The following LPAR1 variants were observed in gnomAD, a reference collection of about 807,000 sequenced individuals.
LPAR1 encodes lysophosphatidic acid receptor 1, also known as LPA receptor 1.
A neutral mutation model predicts 23.8 loss-of-function variants in LPAR1; 5 were observed. That is an observed-to-expected ratio of 0.21 (90% CI 0.11 to 0.44). The LOEUF is 0.44. Among genes scored for constraint, LPAR1 ranks in the 20% least tolerant of loss-of-function variants. The probability of loss-of-function intolerance (pLI) is 0.99; values close to 1 mark genes in which losing one functional copy is unlikely to be tolerated. For missense variants in LPAR1, 311 were observed against 482.8 expected (o/e 0.64, Z 3.33); for synonymous variants, 160 against 164.7 (o/e 0.97, Z 0.22).
chr9:110,882,647 A>T (rs891490875), intron 5 of LPAR1, among the ~76,000 whole-genome samples: 1 of 152,188 alleles, frequency 6.6e-6, no homozygotes, highest in African/African-American at 2.4e-5. Flanking sequence ...GAGTGCACAG[A>T]TACATAATAA....
At chr9:110,933,313 G>A (rs151002038) in intron 5 of LPAR1, among the ~76,000 whole-genome samples, 142 of 152,258 alleles carry the variant, frequency 9.3e-4, no homozygotes, top group African/African-American at 3.3e-3. Context: ...ATGGATGTGG[G>A]TGTGTCAAAA....
chr9:110,997,645 G>A (rs2097043223), intron 2 of LPAR1, among the ~76,000 whole-genome samples: 1 of 152,132 alleles, frequency 6.6e-6, no homozygotes. Context: ...CTAGACATCT[G>A]TATTTTTTAA....
intron 5 of LPAR1, among the ~76,000 whole-genome samples, chr9:110,890,678 C>G (rs1461374041): frequency 2.0e-5 from 3 of 152,210 alleles, no homozygotes; most frequent in Non-Finnish European, 2.9e-5. Context: ...TACCACCTTT[C>G]TTTGAGAATA....
At chr9:111,001,433 C>A (rs941624347) in intron 2 of LPAR1, among the ~76,000 whole-genome samples, 6 of 152,034 alleles carry the variant, frequency 3.9e-5, no homozygotes, top group African/African-American at 1.4e-4. Flanking sequence ...GCTAGACATT[C>A]AGAGGTACAC....
chr9:110,903,994 G>C (rs1416735075), intron 5 of LPAR1, among the ~76,000 whole-genome samples: 1 of 150,334 alleles, frequency 6.7e-6, no homozygotes, highest in Non-Finnish European at 1.5e-5. Context: ...AAACCATATA[G>C]GCCAGAAGGA....
At chr9:110,881,167 C>T (rs1358144762) in intron 5 of LPAR1, among the ~76,000 whole-genome samples, 3 of 152,148 alleles carry the variant, frequency 2.0e-5, no homozygotes, top group African/African-American at 4.8e-5. Flanking sequence ...ATTATTTCCA[C>T]CCTGATACCA....
In LPAR1 at chr9:110,941,891, T is replaced by C; in HGVS notation, c.323A>G (p.Asn108Ser). The C allele has an allele frequency of 6.2e-7, 1 of 1,614,180 alleles. No individual in the cohort carries two copies. Among genetic ancestry groups the C allele is most frequent in the Non-Finnish European group, 8.5e-7 (1 of 1,180,030 alleles). Residue 108 changes from asparagine (N) to serine (S), a missense_variant, in exon 5 of 6, where the codon AAC (asparagine) becomes AGC (serine). Asn to Ser is a conservative substitution (Grantham distance 46, BLOSUM62 1). This residue lies in a region of LPAR1 where 250 missense variants were observed against 427.2 expected (regional missense o/e 0.59). Coordinates refer to ENST00000683809, the MANE Select transcript of LPAR1 (RefSeq NM_001351411.2). The surrounding 1 kb of genome is among the most constrained non-coding windows in gnomAD (Gnocchi z 6.1). Reference sequence around the variant, plus strand: ...CAGTCTCCGAGTATTGGGTCCTGTGTTGAACATGAGATAGAAGTAGGCCAA... The same window carrying C: ...CAGTCTCCGAGTATTGGGTCCTGTGCTGAACATGAGATAGAAGTAGGCCAA... The part of the protein sequence containing the change: ...AGLAYFYLMF[N>S]TGPNTRRLTV...
chr9:110,955,492 C>T (rs1282015773), intron 4 of LPAR1, among the ~76,000 whole-genome samples: 1 of 152,028 alleles, frequency 6.6e-6, no homozygotes. Context: ...GACCTCAACA[C>T]CCCACTCTCA....
chr9:110,958,282 G>A (rs899154764), intron 4 of LPAR1, among the ~76,000 whole-genome samples: 15 of 152,046 alleles, frequency 9.9e-5, no homozygotes, highest in Non-Finnish European at 5.9e-5. Context: ...GCAATCCTGA[G>A]CAAAAAGAAC....
intron 5 of LPAR1, among the ~76,000 whole-genome samples, chr9:110,898,429 T>C (rs2087269890): frequency 6.6e-6 from 1 of 152,166 alleles, no homozygotes; most frequent in African/African-American, 2.4e-5. Flanking sequence ...ACTAGTATTG[T>C]AGTGACAGCT....
intron 2 of LPAR1, among the ~76,000 whole-genome samples, chr9:111,035,099 T>C (rs2097867903): frequency 6.6e-6 from 1 of 152,212 alleles, no homozygotes; most frequent in Non-Finnish European, 1.5e-5. Flanking sequence ...TGTGTTGCAG[T>C]TCTTTCTGGA....
chr9:110,879,124 G>C (rs1181332211), intron 5 of LPAR1, among the ~76,000 whole-genome samples: 2 of 152,080 alleles, frequency 1.3e-5, no homozygotes, highest in Admixed American at 1.3e-4. Context: ...CAGTATGAAA[G>C]TAAGAGGAAG....
chr9:110,940,313 C>A (rs945215821), intron 5 of LPAR1, among the ~76,000 whole-genome samples: 5 of 152,140 alleles, frequency 3.3e-5, no homozygotes, highest in Admixed American at 3.3e-4. Context: ...ATCAGCAGGA[C>A]CCTGTCTCCT....
intron 5 of LPAR1, among the ~76,000 whole-genome samples, chr9:110,879,559 T>C (rs528616399): frequency 1.3e-5 from 2 of 151,428 alleles, no homozygotes; most frequent in South Asian, 4.2e-4. Flanking sequence ...CAGTCCAGCA[T>C]ACATTCTCAA....
chr9:110,875,813 A>C, intron 5 of LPAR1, 91 bp from the exon 6 acceptor site: 3 of 646,716 alleles, frequency 4.6e-6, no homozygotes, highest in Non-Finnish European at 7.1e-6. Context: ...AAATGATTTC[A>C]GTTCAATATA....
intron 5 of LPAR1, among the ~76,000 whole-genome samples, chr9:110,897,233 G>C (rs2086725150): frequency 6.6e-6 from 1 of 152,098 alleles, no homozygotes; most frequent in Non-Finnish European, 1.5e-5. Flanking sequence ...GAATCATGGG[G>C]GAGGGTCTTG....
chr9:111,032,194 G>A (rs973648265), intron 2 of LPAR1, among the ~76,000 whole-genome samples: 64 of 152,270 alleles, frequency 4.2e-4, no homozygotes, highest in African/African-American at 1.5e-3. Context: ...TAAAAAGAGA[G>A]GCACTTTGAC....
At chr9:110,962,416 C>CACCT (rs2096032716) in intron 4 of LPAR1, among the ~76,000 whole-genome samples, 1 of 152,182 alleles carries the variant, frequency 6.6e-6, no homozygotes, top group African/African-American at 2.4e-5. Context: ...CTGGGGCCTA[C>CACCT]ACCTGCTCCA....
chr9:110,890,939 T>TA (rs61044471), intron 5 of LPAR1, among the ~76,000 whole-genome samples: 27,443 of 152,124 alleles, frequency 0.18, 2,808 homozygotes, highest in Admixed American at 0.25. Flanking sequence ...AATCTGGGAA[T>TA]GGGGAAAACT....
Sources: gnomAD v4.1 joint callset for allele counts (sites outside exome capture counted in the v4.1 genomes callset) on GRCh38, gnomAD v4.1.1 for gene constraint, gnomAD v4.1.1 regional missense constraint, Gnocchi (gnomAD v3.1) non-coding constraint, MANE v1.5 for transcripts, NCBI Gene and HGNC (gene_info 2026-07-23, HGNC 2026-07-21) for gene names.